The following SPTLC2 variants were observed in gnomAD, a reference collection of about 807,000 sequenced individuals.
SPTLC2 encodes the protein serine palmitoyltransferase long chain base subunit 2, also known as serine palmitoyltransferase 2.
SPTLC2 carries 21 observed loss-of-function variants against 62.0 expected under a neutral mutation model. The observed-to-expected ratio is 0.34, with a 90% confidence interval of 0.24 to 0.49. The LOEUF (loss-of-function observed/expected upper bound fraction) is 0.49. Among genes scored for constraint, SPTLC2 ranks in the 20% least tolerant of loss-of-function variants. SPTLC2 has a pLI of 0.99. For missense variants in SPTLC2, 511 were observed against 713.0 expected, an observed-to-expected ratio of 0.72 and a Z score of 3.23; for synonymous variants, 261 against 261.8, an observed-to-expected ratio of 1.00 and a Z score of 0.03.
intron 3 of SPTLC2, among the ~76,000 whole-genome samples, chr14:77,578,191 A>T (rs1193180678): frequency 6.6e-6 from 1 of 152,168 alleles, no homozygotes; most frequent in African/African-American, 2.4e-5. Flanking sequence ...TGTTAAAAAT[A>T]CAAAAAGTTT....
chr14:77,589,110 TTATCTC>T (rs2079800646), intron 2 of SPTLC2, among the ~76,000 whole-genome samples: 1 of 152,044 alleles, frequency 6.6e-6, no homozygotes, highest in African/African-American at 2.4e-5. Flanking sequence ...AATTCTGTTT[TTATCTC>T]TACTTAATGA....
In SPTLC2 at chr14:77,512,258, T is replaced by TTTGGTGC; in HGVS notation, c.*25_*26insGCACCAA. 6.2e-7 allele frequency: 1 copy of TTTGGTGC among 1,612,828 alleles called. No individual in the cohort carries two copies. The highest frequency in any genetic ancestry group is 8.5e-7 in the Non-Finnish European group (1 of 1,179,882). ...ACAGGCTGTCCTGGGTGAGGGAGAG[T>TTTGGTGC]TCCTCTGAGGGAGCACCAAAAAGGC... On this transcript the variant is annotated 3_prime_UTR_variant, in exon 12 of 12. Transcript: ENST00000216484.
chr14:77,531,216 A>G (rs2079436773), intron 9 of SPTLC2, among the ~76,000 whole-genome samples: 1 of 152,186 alleles, frequency 6.6e-6, no homozygotes, highest in African/African-American at 2.4e-5. Context: ...ACAGTTCTTC[A>G]TTGTTTAGGC....
At chr14:77,601,623 C>A (rs959948110) in intron 1 of SPTLC2, among the ~76,000 whole-genome samples, 1 of 152,180 alleles carries the variant, frequency 6.6e-6, no homozygotes, top group Non-Finnish European at 1.5e-5. Context: ...GGAGACCAGT[C>A]CCCTGTCCTC....
At chr14:77,517,262 T>C (rs2079363811) in intron 11 of SPTLC2, among the ~76,000 whole-genome samples, 2 of 152,028 alleles carry the variant, frequency 1.3e-5, no homozygotes, top group Admixed American at 6.6e-5. Context: ...AAAAAAAAAT[T>C]AGTAGCTCTC....
Position 77,521,558 on chromosome 14 carries a change from C to T in SPTLC2, c.1327G>A (p.Ala443Thr). Residue 443 changes from alanine to threonine, a missense_variant, in exon 10 of 12, where the codon GCT becomes ACT. Ala to Thr is a moderately conservative substitution (Grantham distance 58). Coordinates refer to ENST00000216484, the MANE Select transcript of SPTLC2 (RefSeq NM_004863.4). Reference protein sequence around the residue: ...SLGKECVQQLAENTRYFRRRL... With the variant: ...SLGKECVQQLTENTRYFRRRL... ...CTCCTGAAATACCTGGTGTTTTCAG[C>T]TAACTGTTGTACACACTCTTTACCT... 1 of 1,614,014 alleles carries T rather than the reference C, an allele frequency of 6.2e-7. No homozygotes were observed. Among genetic ancestry groups the T allele is most frequent in the Non-Finnish European group, 8.5e-7 (1 of 1,179,974 alleles).
At chr14:77,562,265 A>G (rs1031067336) in intron 6 of SPTLC2, 131 bp downstream of exon 6, 8 of 796,158 alleles carry the variant, frequency 1.0e-5, no homozygotes, top group Non-Finnish European at 1.7e-5. Context: ...CTGGACCGGA[A>G]GAACATTTTA....
intron 2 of SPTLC2, among the ~76,000 whole-genome samples, chr14:77,586,921 T>C (rs1157380960): frequency 1.3e-5 from 2 of 152,150 alleles, no homozygotes. Flanking sequence ...TGAGTGTTAG[T>C]AAAGAGATGT....
At chr14:77,526,020 T>C (rs1361526955) in intron 9 of SPTLC2, among the ~76,000 whole-genome samples, 2 of 152,154 alleles carry the variant, frequency 1.3e-5, no homozygotes, top group Non-Finnish European at 2.9e-5. Flanking sequence ...AAGCAGGAAA[T>C]TTCTTATGGT....
intron 1 of SPTLC2, among the ~76,000 whole-genome samples, chr14:77,598,316 A>G (rs922456284): frequency 8.5e-5 from 13 of 152,160 alleles, no homozygotes; most frequent in Non-Finnish European, 1.0e-4. Flanking sequence ...GATTTTCTTA[A>G]ATAGATTCTA....
intron 9 of SPTLC2, among the ~76,000 whole-genome samples, chr14:77,527,123 G>A (rs550328090): frequency 1.3e-5 from 2 of 148,844 alleles, no homozygotes; most frequent in East Asian, 4.0e-4. Flanking sequence ...TTGAGATGGA[G>A]TGTCACTCTG....
intron 2 of SPTLC2, among the ~76,000 whole-genome samples, chr14:77,588,454 G>C (rs1409817616): frequency 6.6e-6 from 1 of 151,848 alleles, no homozygotes; most frequent in Non-Finnish European, 1.5e-5. Context: ...ATTTTGGGAG[G>C]CCAAGGCAGG....
chr14:77,535,018 C>T (rs945776190), intron 9 of SPTLC2, among the ~76,000 whole-genome samples: 28 of 152,168 alleles, frequency 1.8e-4, no homozygotes, highest in Admixed American at 1.7e-3. Flanking sequence ...CCCTCCGCCT[C>T]CCGGGTTCAA....
intron 6 of SPTLC2, among the ~76,000 whole-genome samples, chr14:77,561,035 A>AG (rs1455838868): frequency 1.3e-5 from 2 of 151,932 alleles, no homozygotes; most frequent in African/African-American, 4.8e-5. Context: ...GTGAAAAAAA[A>AG]AAAGTTCATA....
chr14:77,609,194 C>CT (rs2079921823), intron 1 of SPTLC2, among the ~76,000 whole-genome samples: 1 of 152,020 alleles, frequency 6.6e-6, no homozygotes, highest in East Asian at 1.9e-4. Flanking sequence ...GAAGTCTGTC[C>CT]TGGGGAAATG....
In SPTLC2 at chr14:77,576,910, G is replaced by C; in HGVS notation, c.488C>G (p.Thr163Arg). The C allele has an allele frequency of 6.2e-7, 1 of 1,613,930 alleles. No individual in the cohort carries two copies. The highest frequency in any genetic ancestry group is 8.5e-7 in the Non-Finnish European group (1 of 1,180,010). The change falls in exon 4 of 12, where the codon ACA becomes AGA. Residue 163 changes from threonine (T) to arginine (R), a missense_variant. Coordinates refer to ENST00000216484, the MANE Select transcript of SPTLC2 (RefSeq NM_004863.4). ...TATAACACCCTTTATTATATTCCCTGTATACCTGTGCATCAATAGCATAAA... is the reference window on the plus strand; with the variant it reads ...TATAACACCCTTTATTATATTCCCTCTATACCTGTGCATCAATAGCATAAA... ...SHDYNWSFKY[T>R]GNIIKGVINM...
At chr14:77,528,602 AATAG>A (rs965960152) in intron 9 of SPTLC2, among the ~76,000 whole-genome samples, 8 of 152,150 alleles carry the variant, frequency 5.3e-5, no homozygotes, top group Non-Finnish European at 8.8e-5. Context: ...GGGTCCCTCA[AATAG>A]ATAGCTCCAA....
At position 77,555,296 on chromosome 14, in the gene SPTLC2, T is replaced by C. The variant is rs894410400; in HGVS notation, c.1176+4A>G. 1 of 1,614,066 alleles carries C rather than the reference T, an allele frequency of 6.2e-7. No individual in the cohort carries two copies. Among genetic ancestry groups the C allele is most frequent in the Non-Finnish European group, 8.5e-7 (1 of 1,180,006 alleles). On this transcript the variant is annotated splice_donor_region_variant and intron_variant, in intron 8 of 11. Coordinates refer to ENST00000216484, the MANE Select transcript of SPTLC2 (RefSeq NM_004863.4). Reference sequence around the variant, plus strand: ...CTAATCGCTCATTCTCATGGCTCGTTTACCTTCTTGCCTCCAATATATCCT... The same window carrying C: ...CTAATCGCTCATTCTCATGGCTCGTCTACCTTCTTGCCTCCAATATATCCT...
chr14:77,576,771 T>C lies in SPTLC2; in HGVS notation c.627A>G (p.Glu209=). ...CCAAATACAGCTTTCACTTACCAAT[T>C]TCCTGCCGAGTACTGCACACTCCAG... ...YGAGVCSTRQ[E]IGNLDKHEEL... Residue 209 remains glutamate (E), a synonymous_variant, in exon 4 of 12, where the codon GAA becomes GAG. Transcript: ENST00000216484. 1 of 1,614,144 alleles carries C rather than the reference T, an allele frequency of 6.2e-7. No homozygotes were observed. Among genetic ancestry groups the C allele is most frequent in the Non-Finnish European group, 8.5e-7 (1 of 1,180,016 alleles).
Sources: allele counts gnomAD v4.1 joint callset (sites outside exome capture counted in the v4.1 genomes callset), GRCh38; gene constraint gnomAD v4.1.1; transcripts MANE v1.5; gene names NCBI Gene and HGNC (gene_info 2026-07-23, HGNC 2026-07-21).